NTM: variants seen among roughly 807,000 people sequenced by gnomAD.
The protein encoded by NTM is neurotrimin.
In NTM, 13 loss-of-function variants were observed where a neutral mutation model predicts 42.1. The ratio of observed to expected loss-of-function variants is 0.31; its 90% CI spans 0.20 to 0.49. The LOEUF (loss-of-function observed/expected upper bound fraction) is 0.49, where lower values mean the gene tolerates loss of function less well. Ranked by LOEUF, NTM falls within the 20% of genes least tolerant of loss-of-function variation. The probability of loss-of-function intolerance (pLI) is 0.99; values close to 1 mark genes in which losing one functional copy is unlikely to be tolerated. For missense variants in NTM, 373 were observed against 452.8 expected, an observed-to-expected ratio of 0.82 and a Z score of 1.60; for synonymous variants, 187 against 179.2, an observed-to-expected ratio of 1.04 and a Z score of -0.35.
rs80297101 is a variant in NTM at position 131,382,612 on chromosome 11, G to A, written c.82+11724G>A. 5.9e-3 allele frequency among the ~76,000 whole-genome samples: 900 copies of A among 152,260 alleles called. 3 individuals are homozygous for A. Among genetic ancestry groups the A allele is most frequent in the Non-Finnish European group, 1.0e-2 (679 of 68,012 alleles). On this transcript the variant is annotated intron_variant, in intron 1 of 8. Coordinates refer to ENST00000683400, the MANE Select transcript of NTM (RefSeq NM_001352005.2). ...CTAAGTTTTGCCTTTAGAGCTATCA[G>A]GATAGAAGTAAAAGTGTATGATCCA...
intron 1 of NTM, among the ~76,000 whole-genome samples, chr11:131,742,209 A>T (rs1156254507): frequency 6.6e-6 from 1 of 152,218 alleles, no homozygotes; most frequent in Non-Finnish European, 1.5e-5. Context: ...CTGTGCATGC[A>T]CCCCTGAACT....
chr11:131,538,905 G>A (rs2052709799), intron 1 of NTM, among the ~76,000 whole-genome samples: 1 of 140,640 alleles, frequency 7.1e-6, no homozygotes, highest in Non-Finnish European at 1.5e-5. Flanking sequence ...TGAAGGGATT[G>A]GGCATGTTAA....
chr11:131,831,436 G>A (rs1456235255), intron 1 of NTM, among the ~76,000 whole-genome samples: 1 of 152,084 alleles, frequency 6.6e-6, no homozygotes, highest in Non-Finnish European at 1.5e-5. Flanking sequence ...TGTCCTCATG[G>A]CTGGAAAATG....
chr11:131,742,550 G>T (rs1368342749), intron 1 of NTM, among the ~76,000 whole-genome samples: 1 of 152,052 alleles, frequency 6.6e-6, no homozygotes, highest in Non-Finnish European at 1.5e-5. Flanking sequence ...AATAACCTTT[G>T]TGAATTACAT....
intron 1 of NTM, among the ~76,000 whole-genome samples, chr11:131,428,321 G>A (rs1168031967): frequency 6.6e-6 from 1 of 152,158 alleles, no homozygotes; most frequent in African/African-American, 2.4e-5. Flanking sequence ...ACCGTAAGTT[G>A]GCCAAAACTG....
In NTM at chr11:131,795,963, T is replaced by C. The variant is rs955839208; in HGVS notation, c.83-115601T>C. On this transcript the variant is annotated intron_variant, in intron 1 of 8. Transcript: ENST00000683400. Reference sequence around the variant, plus strand: ...ATGGAAGTGGTTAGGATATTCCAGATGGGAGGAAGGGAAAAAGGTGTTTCA... The same window carrying C: ...ATGGAAGTGGTTAGGATATTCCAGACGGGAGGAAGGGAAAAAGGTGTTTCA... 121 of 983,050 alleles carry C rather than the reference T, an allele frequency of 1.2e-4. 6 individuals are homozygous for C. The highest frequency in any genetic ancestry group is 1.8e-5 in the African/African-American group (1 of 57,110). The allele number at this position is 983,050 out of a possible 1,614,324, so 60.9% of individuals were successfully genotyped here. A position where few individuals can be genotyped will look rare whatever the true frequency, so the allele number is the denominator to read the frequency against.
chr11:131,489,350 C>T (rs778432159), intron 1 of NTM, among the ~76,000 whole-genome samples: 46 of 152,290 alleles, frequency 3.0e-4, no homozygotes, highest in Non-Finnish European at 3.8e-4. Context: ...TTATTCAACC[C>T]GGTAGTTCTC....
intron 1 of NTM, among the ~76,000 whole-genome samples, chr11:131,680,526 G>C (rs4264160): frequency 8.2e-3 from 124 of 15,170 alleles, no homozygotes; most frequent in Middle Eastern, 0.038. Flanking sequence ...TGAGATCATG[G>C]CTGTGTCTGT....
chr11:131,695,097 T>G (rs918756576), intron 1 of NTM, among the ~76,000 whole-genome samples: 2 of 152,160 alleles, frequency 1.3e-5, no homozygotes, highest in African/African-American at 4.8e-5. Flanking sequence ...CGATGCGTTG[T>G]CCAGGACATT....
At chr11:132,185,251 ATGTC>A (rs1320590447) in intron 3 of NTM, among the ~76,000 whole-genome samples, 12 of 152,318 alleles carry the variant, frequency 7.9e-5, no homozygotes, top group African/African-American at 2.6e-4. Flanking sequence ...GTGAATGTGT[ATGTC>A]TGTGTGTGTA....
At chr11:131,481,409 G>T (rs1953572698) in intron 1 of NTM, among the ~76,000 whole-genome samples, 1 of 152,240 alleles carries the variant, frequency 6.6e-6, no homozygotes, top group Non-Finnish European at 1.5e-5. Context: ...TCATAGGACT[G>T]ACCCCAGTTT....
chr11:132,025,280 C>A (rs1442593066), intron 2 of NTM, among the ~76,000 whole-genome samples: 2 of 152,168 alleles, frequency 1.3e-5, no homozygotes, highest in Admixed American at 6.5e-5. Flanking sequence ...ATCCTGTGTG[C>A]CCAGAATTTG....
intron 1 of NTM, among the ~76,000 whole-genome samples, chr11:131,394,475 C>T (rs1412678653): frequency 6.6e-6 from 1 of 152,260 alleles, no homozygotes; most frequent in East Asian, 1.9e-4. Context: ...GGAGAGAAGA[C>T]TGAGTAGGGA....
intron 4 of NTM, among the ~76,000 whole-genome samples, chr11:132,298,985 GTTAA>G (rs758872506): frequency 7.2e-5 from 11 of 152,080 alleles, no homozygotes; most frequent in Non-Finnish European, 1.6e-4. Context: ...AAAAAATCTG[GTTAA>G]TAAATTAATT....
chr11:131,472,682 A>G (rs1413956009), intron 1 of NTM, among the ~76,000 whole-genome samples: 1 of 152,214 alleles, frequency 6.6e-6, no homozygotes, highest in African/African-American at 2.4e-5. Flanking sequence ...GGGTAAGTGT[A>G]AAAAAGCTGA....
intron 4 of NTM, among the ~76,000 whole-genome samples, chr11:132,213,673 G>A (rs573776212): frequency 4.6e-5 from 7 of 152,134 alleles, no homozygotes; most frequent in South Asian, 4.2e-4. Context: ...CAGAGAAGGC[G>A]TGACATTTTC....
At chr11:132,256,801 C>T (rs898854867) in intron 4 of NTM, among the ~76,000 whole-genome samples, 3 of 152,172 alleles carry the variant, frequency 2.0e-5, no homozygotes, top group Non-Finnish European at 2.9e-5. Context: ...ATGGCCCCAG[C>T]GATTCCAGCC....
chr11:131,890,713 C>G (rs570792028), intron 1 of NTM, among the ~76,000 whole-genome samples: 4 of 152,124 alleles, frequency 2.6e-5, no homozygotes, highest in African/African-American at 7.2e-5. Context: ...ACGAGCTCCT[C>G]GTGAAAAGCT....
At chr11:131,459,673 A>G (rs1280775471) in intron 1 of NTM, among the ~76,000 whole-genome samples, 1 of 151,426 alleles carries the variant, frequency 6.6e-6, no homozygotes, top group African/African-American at 2.5e-5. Context: ...AAATCTAAGC[A>G]CGGTCCTGGG....
Sources: allele counts gnomAD v4.1 joint callset (sites outside exome capture counted in the v4.1 genomes callset), GRCh38; gene constraint gnomAD v4.1.1; transcripts MANE v1.5; gene names NCBI Gene and HGNC (gene_info 2026-07-23, HGNC 2026-07-21).